Variants in RASAL2 observed in about 807,000 individuals in gnomAD.
RASAL2 encodes the protein ras GTPase-activating protein nGAP.
RASAL2 carries 58 observed loss-of-function variants against 128.9 expected under a neutral mutation model. The ratio of observed to expected loss-of-function variants is 0.45; its 90% CI spans 0.36 to 0.56. RASAL2 has a LOEUF of 0.56. Among genes scored for constraint, RASAL2 ranks in the 20% least tolerant of loss-of-function variants. RASAL2 has a pLI of 0.00. For synonymous variants in RASAL2, 561 were observed against 580.8 expected, an observed-to-expected ratio of 0.97 and a Z score of 0.49; for missense variants, 1,360 against 1,601.6, an observed-to-expected ratio of 0.85 and a Z score of 2.57.
intron 1 of RASAL2, among the ~76,000 whole-genome samples, chr1:178,254,711 A>T (rs1023470445): frequency 1.3e-5 from 2 of 152,336 alleles, no homozygotes; most frequent in Admixed American, 1.3e-4. Flanking sequence ...TCTTCTCAGG[A>T]ATACAGAAGG....
intron 3 of RASAL2, among the ~76,000 whole-genome samples, chr1:178,327,372 G>T (rs958953864): frequency 6.6e-6 from 1 of 151,856 alleles, no homozygotes; most frequent in Non-Finnish European, 1.5e-5. Context: ...TCGAGAAAGG[G>T]TCTTACTCTG....
chr1:178,380,366 A>G (rs1672217096), intron 3 of RASAL2, among the ~76,000 whole-genome samples: 1 of 152,210 alleles, frequency 6.6e-6, no homozygotes, highest in Non-Finnish European at 1.5e-5. Context: ...AATTTAATAT[A>G]CATAAAGGAG....
At chr1:178,368,022 G>C (rs1671497532) in intron 3 of RASAL2, among the ~76,000 whole-genome samples, 2 of 152,150 alleles carry the variant, frequency 1.3e-5, no homozygotes, top group African/African-American at 4.8e-5. Flanking sequence ...ATTTTCTATG[G>C]TTGTTTTTGT....
intron 1 of RASAL2, among the ~76,000 whole-genome samples, chr1:178,267,622 CT>C (rs1282624626): frequency 0.043 from 5,218 of 120,362 alleles, 73 homozygotes; most frequent in Non-Finnish European, 0.056. Context: ...GATCTAGTGT[CT>C]TTTTTTTTTT....
At chr1:178,132,236 T>G (rs1660148582) in intron 1 of RASAL2, among the ~76,000 whole-genome samples, 1 of 151,926 alleles carries the variant, frequency 6.6e-6, no homozygotes, top group African/African-American at 2.4e-5. Context: ...TTTTTTTTTT[T>G]TGTAGAGACA....
intron 5 of RASAL2, among the ~76,000 whole-genome samples, chr1:178,422,635 G>A (rs1394113930): frequency 3.9e-5 from 6 of 152,102 alleles, no homozygotes; most frequent in Non-Finnish European, 5.9e-5. Context: ...GATCAGCTGA[G>A]TTCTTTGAAT....
At chr1:178,322,765 T>C (rs1245454640) in intron 3 of RASAL2, among the ~76,000 whole-genome samples, 1 of 152,238 alleles carries the variant, frequency 6.6e-6, no homozygotes, top group Non-Finnish European at 1.5e-5. Flanking sequence ...TTAAACACTT[T>C]TACTGTATCT....
intron 4 of RASAL2, among the ~76,000 whole-genome samples, chr1:178,420,051 C>A (rs2102746118): frequency 6.6e-6 from 1 of 152,270 alleles, no homozygotes; most frequent in East Asian, 1.9e-4. Flanking sequence ...TTAATTCCTC[C>A]AATGCGCCAA....
intron 2 of RASAL2, 56 bp downstream of exon 2, chr1:178,283,747 A>G (rs1310744897): frequency 1.9e-6 from 3 of 1,590,768 alleles, no homozygotes; most frequent in Non-Finnish European, 2.6e-6. Context: ...AATTCCTGAA[A>G]TTACCTAGTT....
intron 1 of RASAL2, among the ~76,000 whole-genome samples, chr1:178,104,561 C>T (rs1472914885): frequency 1.3e-5 from 2 of 152,100 alleles, no homozygotes; most frequent in African/African-American, 4.8e-5. Flanking sequence ...TTTTTAAAGG[C>T]CTGAGATTTA....
chr1:178,403,020 T>G (rs1418102199), intron 4 of RASAL2, among the ~76,000 whole-genome samples: 1 of 152,198 alleles, frequency 6.6e-6, no homozygotes, highest in East Asian at 1.9e-4. Context: ...AAAGCCATCA[T>G]CCTCAATATT....
At chr1:178,335,560 T>C (rs1320636166) in intron 3 of RASAL2, among the ~76,000 whole-genome samples, 1 of 151,964 alleles carries the variant, frequency 6.6e-6, no homozygotes, top group African/African-American at 2.4e-5. Context: ...ACACACACAC[T>C]CTCAGACACA....
intron 12 of RASAL2, 119 bp downstream of exon 12, chr1:178,454,767 T>A (rs1677645031): frequency 2.6e-6 from 2 of 777,438 alleles, no homozygotes; most frequent in Non-Finnish European, 4.1e-6. Flanking sequence ...CCTAGAAATC[T>A]GAGAGTAAAT....
At chr1:178,389,173 G>A (rs567861962) in intron 3 of RASAL2, 1 of 563,110 alleles carries the variant, frequency 1.8e-6, no homozygotes, top group Non-Finnish European at 2.3e-6. Context: ...AGATCTGGAA[G>A]ATAACACAGA....
At chr1:178,352,781 C>A (rs934595592) in intron 3 of RASAL2, among the ~76,000 whole-genome samples, 1 of 152,222 alleles carries the variant, frequency 6.6e-6, no homozygotes, top group African/African-American at 2.4e-5. Context: ...GCAGAGGCTC[C>A]CAAGCCTCAG....
chr1:178,421,960 A>C (rs779408128), intron 5 of RASAL2, among the ~76,000 whole-genome samples: 1 of 152,080 alleles, frequency 6.6e-6, no homozygotes, highest in Non-Finnish European at 1.5e-5. Flanking sequence ...TCATCATTCC[A>C]GGAATTCAAA....
At chr1:178,368,884 A>G (rs971706755) in intron 3 of RASAL2, among the ~76,000 whole-genome samples, 2 of 151,644 alleles carry the variant, frequency 1.3e-5, no homozygotes, top group Non-Finnish European at 3.0e-5. Flanking sequence ...CAGCCTCCCA[A>G]AATGGTGGGA....
intron 3 of RASAL2, among the ~76,000 whole-genome samples, chr1:178,308,664 A>G (rs1396728451): frequency 1.3e-5 from 2 of 149,370 alleles, no homozygotes; most frequent in African/African-American, 2.5e-5. Flanking sequence ...TCCCACCTCC[A>G]CCTGCCAAGC....
chr1:178,408,017 T>C (rs1674099577), intron 4 of RASAL2, among the ~76,000 whole-genome samples: 1 of 152,256 alleles, frequency 6.6e-6, no homozygotes, highest in South Asian at 2.1e-4. Flanking sequence ...TGGCTTTTTC[T>C]TTCATTGACT....
Sources: gnomAD v4.1 joint callset for allele counts (sites outside exome capture counted in the v4.1 genomes callset) on GRCh38, gnomAD v4.1.1 for gene constraint, MANE v1.5 for transcripts, NCBI Gene and HGNC (gene_info 2026-07-23, HGNC 2026-07-21) for gene names.